CPNE4: variants seen among roughly 807,000 people sequenced by gnomAD.
CPNE4 encodes the protein copine-4.
Under a neutral mutation model 67.9 loss-of-function variants are expected in CPNE4, and 25 were observed. That is an observed-to-expected ratio of 0.37 (90% confidence interval 0.27 to 0.51). The LOEUF (loss-of-function observed/expected upper bound fraction) is 0.51, where lower values mean the gene tolerates loss of function less well. Ranked by LOEUF, CPNE4 falls within the 20% of genes least tolerant of loss-of-function variation. CPNE4 has a pLI of 0.93. For missense variants in CPNE4, 464 were observed against 690.8 expected, an observed-to-expected ratio of 0.67 and a Z score of 3.68; for synonymous variants, 242 against 244.9, an observed-to-expected ratio of 0.99 and a Z score of 0.11.
chr3:131,566,111 G>C (rs1204567546), intron 10 of CPNE4, among the ~76,000 whole-genome samples: 1 of 151,866 alleles, frequency 6.6e-6, no homozygotes, highest in Non-Finnish European at 1.5e-5. Context: ...GAACATGTAT[G>C]TCTATGACCA....
At chr3:131,815,647 G>A (rs2084708163) in intron 2 of CPNE4, among the ~76,000 whole-genome samples, 1 of 152,206 alleles carries the variant, frequency 6.6e-6, no homozygotes, top group Non-Finnish European at 1.5e-5. Context: ...GAGAGACAAG[G>A]TGTTGGAACA....
At chr3:131,871,082 T>C (rs1203406285) in intron 2 of CPNE4, among the ~76,000 whole-genome samples, 1 of 151,946 alleles carries the variant, frequency 6.6e-6, no homozygotes, top group Non-Finnish European at 1.5e-5. Context: ...GGAAAAGAGA[T>C]ATGAAGGAAT....
At chr3:131,833,193 T>C (rs1415239002) in intron 2 of CPNE4, among the ~76,000 whole-genome samples, 1 of 152,226 alleles carries the variant, frequency 6.6e-6, no homozygotes, top group Non-Finnish European at 1.5e-5. Context: ...AATAAGTTTA[T>C]GTTGTTTATT....
chr3:131,991,071 C>T lies in CPNE4; in HGVS notation c.-2+43496G>A, dbSNP rs749348547. On this transcript the variant is annotated intron_variant, in intron 1 of 15. Transcript: ENST00000429747. ...CATGCCGAACTGTGAGTCAATTAAA[C>T]CTCTTTCCTTTATAAATTACCCAGT... Among the ~76,000 whole-genome samples the T allele has an allele frequency of 8.8e-5, 12 of 136,504 alleles. 5 individuals carry two copies. Among genetic ancestry groups the T allele is most frequent in the Non-Finnish European group, 1.8e-4 (11 of 60,180 alleles). 89.6% of individuals were successfully genotyped at this position (136,504 alleles called of 152,430 possible).
intron 1 of CPNE4, among the ~76,000 whole-genome samples, chr3:131,953,239 TAAA>T (rs1167094357): frequency 1.0e-5 from 1 of 97,126 alleles, no homozygotes; most frequent in African/African-American, 4.4e-5. Flanking sequence ...AATGATCAAT[TAAA>T]AAAAAAAAAA....
At chr3:131,665,253 T>C (rs543306482) in intron 7 of CPNE4, among the ~76,000 whole-genome samples, 1 of 152,118 alleles carries the variant, frequency 6.6e-6, no homozygotes, top group East Asian at 1.9e-4. Flanking sequence ...TTTTCTACTA[T>C]GTTCATGAAT....
intron 2 of CPNE4, among the ~76,000 whole-genome samples, chr3:131,878,602 T>C (rs2087545708): frequency 6.6e-6 from 1 of 152,174 alleles, no homozygotes; most frequent in Non-Finnish European, 1.5e-5. Context: ...TTAGGATTTA[T>C]AAAATAAAAA....
intron 8 of CPNE4, among the ~76,000 whole-genome samples, chr3:131,582,953 A>G (rs1937937338): frequency 6.6e-6 from 1 of 152,170 alleles, no homozygotes; most frequent in African/African-American, 2.4e-5. Flanking sequence ...GTTTTCAGCC[A>G]GGAAGTTCTG....
At chr3:131,851,570 T>A (rs2086243804) in intron 2 of CPNE4, among the ~76,000 whole-genome samples, 1 of 151,962 alleles carries the variant, frequency 6.6e-6, no homozygotes, top group Non-Finnish European at 1.5e-5. Flanking sequence ...TGTAACAAAT[T>A]TTATAGAGTC....
intron 7 of CPNE4, among the ~76,000 whole-genome samples, chr3:131,633,349 C>A (rs944624119): frequency 2.0e-5 from 3 of 151,980 alleles, no homozygotes; most frequent in African/African-American, 7.3e-5. Context: ...ATTATAGGTA[C>A]CCATTGTAAG....
chr3:131,832,453 C>T (rs986348906), intron 2 of CPNE4, among the ~76,000 whole-genome samples: 2 of 152,198 alleles, frequency 1.3e-5, no homozygotes, highest in African/African-American at 4.8e-5. Flanking sequence ...GCAGGTGGGA[C>T]TGCCAGGCAG....
At chr3:131,596,327 AAATT>A (rs1938851878) in intron 7 of CPNE4, among the ~76,000 whole-genome samples, 1 of 148,254 alleles carries the variant, frequency 6.7e-6, no homozygotes. Context: ...AAGCTGTTAA[AAATT>A]AAGTAAAGCG....
rs146855944 is a variant in CPNE4 at position 131,666,514 on chromosome 3, G to A, written c.681+3161C>T. Among the ~76,000 whole-genome samples the A allele has an allele frequency of 4.0e-3, 613 of 152,190 alleles. 3 individuals are homozygous for A. Among genetic ancestry groups the A allele is most frequent in the African/African-American group, 0.013 (543 of 41,516 alleles). Reference sequence around the variant, plus strand: ...AGCAAGGACGTTATCAAGCAAGGACGTTACTAAGTTTATATCAAAAGAATT... The same window carrying A: ...AGCAAGGACGTTATCAAGCAAGGACATTACTAAGTTTATATCAAAAGAATT... On this transcript the variant is annotated intron_variant, in intron 7 of 15. Coordinates refer to ENST00000429747, the MANE Select transcript of CPNE4 (RefSeq NM_130808.3).
rs761411736 is a variant in CPNE4 at position 131,587,469 on chromosome 3, T to A, written c.780+15A>T. Reference sequence around the variant, plus strand: ...TACCGACTGGAGGCAAAACCAAAAGTGGTTGACCATGTACCTGTTTCCCTT... The same window carrying A: ...TACCGACTGGAGGCAAAACCAAAAGAGGTTGACCATGTACCTGTTTCCCTT... On this transcript the variant is annotated intron_variant, in intron 8 of 15. Transcript: ENST00000429747. 1 of 1,602,466 alleles carries A rather than the reference T, an allele frequency of 6.2e-7. No homozygotes were observed. The highest frequency in any genetic ancestry group is 8.5e-7 in the Non-Finnish European group (1 of 1,169,798).
At chr3:131,817,827 A>T (rs2084803779) in intron 2 of CPNE4, among the ~76,000 whole-genome samples, 1 of 152,210 alleles carries the variant, frequency 6.6e-6, no homozygotes, top group South Asian at 2.1e-4. Flanking sequence ...TCTTGTCCTA[A>T]CCTTCTTGAA....
chr3:131,819,491 T>TAC (rs5852655), intron 2 of CPNE4, among the ~76,000 whole-genome samples: 39,616 of 146,058 alleles, frequency 0.27, 5,593 homozygotes, highest in Middle Eastern at 0.34. Flanking sequence ...CACACACAGA[T>TAC]ACACACACAC....
chr3:131,912,525 A>G (rs1490762633), intron 1 of CPNE4, among the ~76,000 whole-genome samples: 2 of 152,156 alleles, frequency 1.3e-5, no homozygotes, highest in African/African-American at 4.8e-5. Context: ...AAACGTGTAT[A>G]AGGGATCTGC....
At chr3:131,765,324 A>C (rs887282207) in intron 2 of CPNE4, among the ~76,000 whole-genome samples, 2 of 152,134 alleles carry the variant, frequency 1.3e-5, no homozygotes, top group African/African-American at 4.8e-5. Context: ...TAATTTAGTT[A>C]ATTAATCTAA....
At chr3:131,796,716 T>C (rs2083928554) in intron 2 of CPNE4, among the ~76,000 whole-genome samples, 1 of 152,166 alleles carries the variant, frequency 6.6e-6, no homozygotes, top group Non-Finnish European at 1.5e-5. Flanking sequence ...CCCAAGGTGC[T>C]TCCGTTCCTG....
Sources: gnomAD v4.1 joint callset for allele counts (sites outside exome capture counted in the v4.1 genomes callset) on GRCh38, gnomAD v4.1.1 for gene constraint, MANE v1.5 for transcripts, NCBI Gene and HGNC (gene_info 2026-07-23, HGNC 2026-07-21) for gene names.